The following SNTG1 variants were observed in gnomAD, a reference collection of about 807,000 sequenced individuals.
SNTG1 encodes syntrophin gamma 1.
In SNTG1, 39 loss-of-function variants were observed where a neutral mutation model predicts 74.7. That is an observed-to-expected ratio of 0.52 (90% CI 0.40 to 0.68). SNTG1 has a LOEUF of 0.68. Ranked by LOEUF, SNTG1 falls within the 30% of genes least tolerant of loss-of-function variation. The probability of loss-of-function intolerance (pLI) is 0.00; values close to 1 mark genes in which losing one functional copy is unlikely to be tolerated. For synonymous variants in SNTG1, 254 were observed against 217.1 expected, an observed-to-expected ratio of 1.17 and a Z score of -1.49; for missense variants, 685 against 609.5, an observed-to-expected ratio of 1.12 and a Z score of -1.30.
chr8:50,392,094 A>G (rs1461387997), intron 2 of SNTG1, among the ~76,000 whole-genome samples: 3 of 152,202 alleles, frequency 2.0e-5, no homozygotes, highest in Non-Finnish European at 4.4e-5. Flanking sequence ...AGGAAAACAC[A>G]GATGAAGTTT....
intron 1 of SNTG1, among the ~76,000 whole-genome samples, chr8:50,054,984 G>A (rs1266753373): frequency 1.3e-5 from 2 of 152,032 alleles, no homozygotes; most frequent in African/African-American, 4.8e-5. Flanking sequence ...AGTGAACTAG[G>A]CCTTCAATTT....
At chr8:50,609,277 T>A (rs1483517242) in intron 13 of SNTG1, among the ~76,000 whole-genome samples, 1 of 152,044 alleles carries the variant, frequency 6.6e-6, no homozygotes, top group African/African-American at 2.4e-5. Flanking sequence ...GGTAAAGTAT[T>A]TTGTTGTTGC....
At chr8:50,078,929 T>C (rs955640208) in intron 1 of SNTG1, among the ~76,000 whole-genome samples, 1 of 152,222 alleles carries the variant, frequency 6.6e-6, no homozygotes, top group Non-Finnish European at 1.5e-5. Flanking sequence ...ATGGTGTATA[T>C]GTGCCACATT....
chr8:49,919,949 C>G (rs564359907), intron 1 of SNTG1, among the ~76,000 whole-genome samples: 2 of 152,050 alleles, frequency 1.3e-5, no homozygotes, highest in Non-Finnish European at 2.9e-5. Flanking sequence ...AATACAATAG[C>G]GCACACTTAG....
intron 2 of SNTG1, among the ~76,000 whole-genome samples, chr8:50,254,289 A>G (rs1373877394): frequency 1.3e-5 from 2 of 152,214 alleles, no homozygotes; most frequent in African/African-American, 4.8e-5. Context: ...TTTAACTACT[A>G]AAGAATAAAA....
At chr8:50,552,920 T>A in intron 11 of SNTG1, 130 bp from the exon 12 acceptor site, 1 of 1,092,348 alleles carries the variant, frequency 9.2e-7, no homozygotes, top group South Asian at 1.8e-5. Flanking sequence ...TAAAGTCAGG[T>A]AACCAAATAT....
chr8:50,633,966 G>A (rs958305464), intron 13 of SNTG1, among the ~76,000 whole-genome samples: 4 of 152,174 alleles, frequency 2.6e-5, no homozygotes, highest in African/African-American at 7.2e-5. Context: ...AAGTGCCAAA[G>A]GGGAGTCTCT....
At chr8:50,263,746 C>T (rs2087313605) in intron 2 of SNTG1, among the ~76,000 whole-genome samples, 1 of 152,124 alleles carries the variant, frequency 6.6e-6, no homozygotes, top group African/African-American at 2.4e-5. Flanking sequence ...TAGACAATTT[C>T]ACAATAGTAG....
chr8:50,279,470 GT>G (rs2088307067), intron 2 of SNTG1, among the ~76,000 whole-genome samples: 1 of 152,206 alleles, frequency 6.6e-6, no homozygotes, highest in Non-Finnish European at 1.5e-5. Flanking sequence ...GTAGAACAAA[GT>G]TTTTTCAACT....
At chr8:50,309,287 C>T (rs1029236630) in intron 2 of SNTG1, among the ~76,000 whole-genome samples, 9 of 151,942 alleles carry the variant, frequency 5.9e-5, no homozygotes, top group African/African-American at 1.9e-4. Context: ...AGGGAAGCCG[C>T]GTATTTACTC....
intron 4 of SNTG1, among the ~76,000 whole-genome samples, chr8:50,416,717 G>A (rs1295624011): frequency 1.3e-5 from 2 of 151,908 alleles, no homozygotes; most frequent in African/African-American, 4.8e-5. Context: ...TCATTATTTT[G>A]CTAATTTGTC....
At chr8:50,761,834 G>A (rs1185240847) in intron 18 of SNTG1, among the ~76,000 whole-genome samples, 1 of 151,908 alleles carries the variant, frequency 6.6e-6, no homozygotes, top group African/African-American at 2.4e-5. Flanking sequence ...ATTCAAGAAT[G>A]AAGTTTAACT....
intron 2 of SNTG1, among the ~76,000 whole-genome samples, chr8:50,330,133 T>A (rs1307065137): frequency 1.3e-5 from 2 of 152,188 alleles, no homozygotes; most frequent in Non-Finnish European, 2.9e-5. Context: ...CAGTTGGAAG[T>A]AATTGAATCA....
chr8:50,748,615 T>C (rs1405535458), intron 17 of SNTG1, among the ~76,000 whole-genome samples: 1 of 152,038 alleles, frequency 6.6e-6, no homozygotes, highest in Non-Finnish European at 1.5e-5. Context: ...CAACCCTGCA[T>C]TGAGCCACTC....
At chr8:50,299,790 G>A (rs2089562315) in intron 2 of SNTG1, among the ~76,000 whole-genome samples, 1 of 151,996 alleles carries the variant, frequency 6.6e-6, no homozygotes, top group Non-Finnish European at 1.5e-5. Flanking sequence ...CAGTAGATAC[G>A]TGTCACTAGG....
At chr8:50,322,884 A>G (rs986567497) in intron 2 of SNTG1, among the ~76,000 whole-genome samples, 20 of 151,978 alleles carry the variant, frequency 1.3e-4, no homozygotes, top group Non-Finnish European at 2.8e-4. Context: ...TGGGAGGCCA[A>G]GGAAGCAGAT....
At chr8:50,661,017 G>A (rs2095220187) in intron 15 of SNTG1, among the ~76,000 whole-genome samples, 1 of 151,916 alleles carries the variant, frequency 6.6e-6, no homozygotes, top group Admixed American at 6.6e-5. Context: ...TTTACATTTA[G>A]TTTTTTCCCC....
intron 1 of SNTG1, among the ~76,000 whole-genome samples, chr8:49,972,412 C>A (rs1184802954): frequency 1.3e-5 from 2 of 151,998 alleles, no homozygotes; most frequent in Admixed American, 6.6e-5. Context: ...CCATAAAAAC[C>A]CTAGAAGAAA....
intron 2 of SNTG1, among the ~76,000 whole-genome samples, chr8:50,227,849 G>A (rs987053304): frequency 6.7e-6 from 1 of 149,940 alleles, no homozygotes; most frequent in Non-Finnish European, 1.5e-5. Flanking sequence ...CAAAAGGTAA[G>A]GTCTATTTCA....
Sources: allele counts gnomAD v4.1 joint callset (sites outside exome capture counted in the v4.1 genomes callset), GRCh38; gene constraint gnomAD v4.1.1; transcripts MANE v1.5; gene names NCBI Gene and HGNC (gene_info 2026-07-23, HGNC 2026-07-21).